DGKB: variants seen among roughly 807,000 people sequenced by gnomAD.
The protein encoded by DGKB is diacylglycerol kinase beta, also known as 90 kDa diacylglycerol kinase.
A neutral mutation model predicts 114.3 loss-of-function variants in DGKB; 67 were observed. The observed-to-expected ratio is 0.59, with a 90% confidence interval of 0.48 to 0.72. The LOEUF (loss-of-function observed/expected upper bound fraction) is 0.72, where lower values mean the gene tolerates loss of function less well. Among genes scored for constraint, DGKB ranks in the 30% least tolerant of loss-of-function variants. DGKB has a pLI of 0.00. For missense variants in DGKB, 907 were observed against 975.2 expected (o/e 0.93, Z 0.93); for synonymous variants, 398 against 323.1 (o/e 1.23, Z -2.49).
intron 23 of DGKB, among the ~76,000 whole-genome samples, chr7:14,222,023 C>G (rs1790059534): frequency 6.6e-6 from 1 of 151,058 alleles, no homozygotes; most frequent in South Asian, 2.1e-4. Context: ...TCTGATTCTA[C>G]TAGTTTGAAT....
intron 1 of DGKB, among the ~76,000 whole-genome samples, chr7:14,885,332 G>A (rs1453065764): frequency 6.6e-6 from 1 of 151,906 alleles, no homozygotes; most frequent in East Asian, 1.9e-4. Context: ...CAGACATATA[G>A]GAGGCAAACA....
At chr7:14,758,940 G>GATAC (rs1835304635) in intron 2 of DGKB, among the ~76,000 whole-genome samples, 2 of 142,572 alleles carry the variant, frequency 1.4e-5, no homozygotes, top group African/African-American at 5.5e-5. Flanking sequence ...TAGATACATA[G>GATAC]ATAGATAGAG....
At chr7:14,837,448 G>T (rs923677408) in intron 2 of DGKB, among the ~76,000 whole-genome samples, 9 of 152,162 alleles carry the variant, frequency 5.9e-5, no homozygotes, top group African/African-American at 2.2e-4. Flanking sequence ...TTGCCCAATA[G>T]TTCCACAGCC....
chr7:14,878,766 A>C (rs911738075), intron 1 of DGKB, among the ~76,000 whole-genome samples: 1 of 151,104 alleles, frequency 6.6e-6, no homozygotes, highest in African/African-American at 2.4e-5. Flanking sequence ...AAAAAAAAAA[A>C]AACAAAAAAA....
intron 23 of DGKB, among the ~76,000 whole-genome samples, chr7:14,234,713 T>C (rs931252531): frequency 2.0e-5 from 3 of 152,052 alleles, no homozygotes; most frequent in Non-Finnish European, 4.4e-5. Flanking sequence ...TGCTTTTCTA[T>C]TGGCAGCAGT....
intron 6 of DGKB, among the ~76,000 whole-genome samples, chr7:14,705,994 T>G (rs1826154033): frequency 6.6e-6 from 1 of 151,716 alleles, no homozygotes; most frequent in African/African-American, 2.4e-5. Flanking sequence ...ACGGACTAAA[T>G]GCTCCAATTA....
At chr7:14,260,009 A>G (rs1218082335) in intron 23 of DGKB, among the ~76,000 whole-genome samples, 1 of 151,644 alleles carries the variant, frequency 6.6e-6, no homozygotes, top group Non-Finnish European at 1.5e-5. Flanking sequence ...CTGGGTTTGA[A>G]ATTATTCATG....
At chr7:14,478,051 CAAA>C in intron 21 of DGKB, 107 bp downstream of exon 21, 1 of 647,972 alleles carries the variant, frequency 1.5e-6, no homozygotes, top group Non-Finnish European at 2.6e-6. Flanking sequence ...CACACGCACA[CAAA>C]GCCTCATAAA....
intron 23 of DGKB, among the ~76,000 whole-genome samples, chr7:14,237,116 G>A (rs1859730): frequency 0.66 from 99,653 of 151,778 alleles, 33,369 homozygotes; most frequent in African/African-American, 0.79. Context: ...CCATAGTCCA[G>A]CGTTACACTT....
intron 21 of DGKB, among the ~76,000 whole-genome samples, chr7:14,416,607 T>C (rs376035072): frequency 4.9e-4 from 75 of 152,182 alleles, no homozygotes; most frequent in African/African-American, 1.8e-3. Flanking sequence ...CTCATGGTAG[T>C]AAATAAGTCT....
chr7:14,392,995 G>GTTTTGTTTTTTTTTTTTTTTTTTTTT (rs1554404749), intron 21 of DGKB, among the ~76,000 whole-genome samples: 5 of 60,548 alleles, frequency 8.3e-5, no homozygotes, highest in African/African-American at 2.4e-4. Flanking sequence ...TTTTGTTTTT[G>GTTTTGTTTTTTTTTTTTTTTTTTTTT]TTTTTTTTTT....
intron 13 of DGKB, among the ~76,000 whole-genome samples, chr7:14,642,236 A>T (rs977284171): frequency 2.0e-5 from 3 of 152,126 alleles, no homozygotes; most frequent in African/African-American, 7.2e-5. Flanking sequence ...ATTATAAAGT[A>T]AATGTTTTCT....
At chr7:14,353,234 G>C (rs1429028734) in intron 21 of DGKB, among the ~76,000 whole-genome samples, 1 of 152,042 alleles carries the variant, frequency 6.6e-6, no homozygotes, top group Non-Finnish European at 1.5e-5. Flanking sequence ...GGCCAGAAAG[G>C]TCATCATTAG....
chr7:14,343,528 AT>A (rs1025895542), intron 22 of DGKB, among the ~76,000 whole-genome samples: 298 of 149,298 alleles, frequency 2.0e-3, no homozygotes, highest in Non-Finnish European at 2.5e-3. Context: ...TTTCTTAAAG[AT>A]TTTTTTTTTG....
intron 1 of DGKB, among the ~76,000 whole-genome samples, chr7:14,873,044 G>A (rs1222778146): frequency 6.6e-6 from 1 of 151,864 alleles, no homozygotes; most frequent in African/African-American, 2.4e-5. Flanking sequence ...AACCAGAAAC[G>A]AAAATAATCT....
chr7:14,704,112 C>G (rs538539514), intron 6 of DGKB, among the ~76,000 whole-genome samples: 2 of 151,924 alleles, frequency 1.3e-5, no homozygotes, highest in Non-Finnish European at 2.9e-5. Flanking sequence ...TACATCTTTT[C>G]TTTTGAATTG....
chr7:14,712,905 G>A (rs944750432), intron 6 of DGKB, among the ~76,000 whole-genome samples: 4 of 151,868 alleles, frequency 2.6e-5, no homozygotes, highest in Non-Finnish European at 4.4e-5. Flanking sequence ...GGGAATCACT[G>A]AACAAAAGGA....
chr7:14,793,552 C>T (rs1840986651), intron 2 of DGKB, among the ~76,000 whole-genome samples: 1 of 152,124 alleles, frequency 6.6e-6, no homozygotes, highest in Non-Finnish European at 1.5e-5. Context: ...AAGTATCACT[C>T]AAATATTTTC....
intron 4 of DGKB, among the ~76,000 whole-genome samples, chr7:14,739,258 C>G (rs1832189686): frequency 6.6e-6 from 1 of 152,190 alleles, no homozygotes; most frequent in Admixed American, 6.5e-5. Flanking sequence ...GGAGGCCTGT[C>G]TAAACACGCC....
Sources: allele counts gnomAD v4.1 joint callset (sites outside exome capture counted in the v4.1 genomes callset), GRCh38; gene constraint gnomAD v4.1.1; transcripts MANE v1.5; gene names NCBI Gene and HGNC (gene_info 2026-07-23, HGNC 2026-07-21).